Variants in PTPRM observed in about 807,000 individuals in gnomAD.
PTPRM encodes protein tyrosine phosphatase receptor type M, also known as receptor-type tyrosine-protein phosphatase mu.
Under a neutral mutation model 186.7 loss-of-function variants are expected in PTPRM, and 47 were observed. The observed-to-expected ratio is 0.25, with a 90% CI of 0.20 to 0.32. The LOEUF (loss-of-function observed/expected upper bound fraction) is 0.32. PTPRM is among the 10% of genes least tolerant of loss of function. The pLI is 1.00. For missense variants in PTPRM, 1,494 were observed against 1,865.0 expected, an observed-to-expected ratio of 0.80 and a Z score of 3.66; for synonymous variants, 668 against 674.9, an observed-to-expected ratio of 0.99 and a Z score of 0.16.
rs141165613 is a variant in PTPRM at position 7,689,128 on chromosome 18, T to C, written c.74-85021T>C. On this transcript the variant is annotated intron_variant, in intron 1 of 32. Transcript: ENST00000580170. ...GATAGGTATGTAGGTAATTCAAGTA[T>C]AAATGCCACATAAATGAGATATAAA... is the stretch of plus-strand genomic sequence containing the variant. 7.2e-3 allele frequency among the ~76,000 whole-genome samples: 1,051 copies of C among 145,542 alleles called. 12 individuals are homozygous for C. The highest frequency in any genetic ancestry group is 0.024 in the African/African-American group (977 of 41,014).
chr18:7,742,486 G>T (rs1292936974), intron 1 of PTPRM, among the ~76,000 whole-genome samples: 4 of 152,090 alleles, frequency 2.6e-5, no homozygotes, highest in African/African-American at 9.7e-5. Context: ...TTTATTTATA[G>T]TGCCAGGAAA....
At chr18:8,230,957 C>G (rs1235626777) in intron 14 of PTPRM, among the ~76,000 whole-genome samples, 1 of 152,134 alleles carries the variant, frequency 6.6e-6, no homozygotes, top group East Asian at 1.9e-4. Flanking sequence ...AAAATAAACA[C>G]TTATTCTTGT....
intron 11 of PTPRM, among the ~76,000 whole-genome samples, chr18:8,112,914 T>C (rs1270306215): frequency 6.6e-6 from 1 of 152,208 alleles, no homozygotes; most frequent in Non-Finnish European, 1.5e-5. Flanking sequence ...TAATCCCTTA[T>C]CTCTGCTTTT....
chr18:7,917,460 T>G (rs7244035), intron 4 of PTPRM, among the ~76,000 whole-genome samples: 2 of 151,886 alleles, frequency 1.3e-5, no homozygotes, highest in African/African-American at 4.8e-5. Context: ...GGCGTGAACC[T>G]GGGAGGCGGA....
At chr18:8,288,357 AG>A (rs1385569415) in intron 19 of PTPRM, among the ~76,000 whole-genome samples, 1 of 152,200 alleles carries the variant, frequency 6.6e-6, no homozygotes, top group Non-Finnish European at 1.5e-5. Flanking sequence ...ATTCCAGATA[AG>A]GGGGAGCCCC....
intron 1 of PTPRM, among the ~76,000 whole-genome samples, chr18:7,623,506 G>A (rs917491218): frequency 2.0e-5 from 3 of 152,052 alleles, no homozygotes; most frequent in African/African-American, 4.8e-5. Context: ...TTCAGTGGTC[G>A]AGATCATCAT....
At chr18:7,649,289 C>A (rs1385941993) in intron 1 of PTPRM, among the ~76,000 whole-genome samples, 4 of 152,144 alleles carry the variant, frequency 2.6e-5, no homozygotes, top group Non-Finnish European at 4.4e-5. Context: ...TGGAGATGTA[C>A]AAGGAGATTA....
At chr18:7,649,795 G>GAA (rs1430628857) in intron 1 of PTPRM, among the ~76,000 whole-genome samples, 2 of 151,924 alleles carry the variant, frequency 1.3e-5, no homozygotes, top group African/African-American at 2.4e-5. Flanking sequence ...CCAACCTTCA[G>GAA]CAGCCATTAC....
chr18:8,014,966 A>G (rs2084768114), intron 7 of PTPRM, among the ~76,000 whole-genome samples: 1 of 151,964 alleles, frequency 6.6e-6, no homozygotes, highest in Non-Finnish European at 1.5e-5. Flanking sequence ...TCTGCCCCTC[A>G]CTGTTCATGT....
At chr18:8,177,685 G>C (rs2093506564) in intron 14 of PTPRM, among the ~76,000 whole-genome samples, 1 of 152,230 alleles carries the variant, frequency 6.6e-6, no homozygotes, top group Non-Finnish European at 1.5e-5. Flanking sequence ...AATGAGGCAA[G>C]TTTTAGAGCA....
intron 14 of PTPRM, among the ~76,000 whole-genome samples, chr18:8,157,484 C>T (rs74785266): frequency 0.014 from 2,179 of 152,244 alleles, 39 homozygotes; most frequent in African/African-American, 0.043. Context: ...AAGAAACACA[C>T]GGGATGGGTC....
intron 12 of PTPRM, among the ~76,000 whole-genome samples, chr18:8,114,031 T>A (rs1487491176): frequency 2.6e-5 from 4 of 151,954 alleles, no homozygotes; most frequent in Non-Finnish European, 4.4e-5. Flanking sequence ...TGGCTGGCAA[T>A]TCTGCTTAGC....
intron 1 of PTPRM, among the ~76,000 whole-genome samples, chr18:7,662,805 A>C (rs1231212546): frequency 6.6e-6 from 1 of 152,200 alleles, no homozygotes; most frequent in Non-Finnish European, 1.5e-5. Context: ...CTGCATCAGA[A>C]TATCTCATGT....
intron 2 of PTPRM, among the ~76,000 whole-genome samples, chr18:7,872,402 A>T (rs768662065): frequency 6.6e-6 from 1 of 152,200 alleles, no homozygotes; most frequent in Non-Finnish European, 1.5e-5. Flanking sequence ...ATAAAATTAT[A>T]TTATTGTGCA....
intron 2 of PTPRM, among the ~76,000 whole-genome samples, chr18:7,785,730 G>T (rs536466238): frequency 3.9e-5 from 6 of 152,306 alleles, no homozygotes; most frequent in South Asian, 2.1e-4. Context: ...CACTTTCTGA[G>T]CATATCGTGA....
At chr18:8,198,987 G>A (rs573038808) in intron 14 of PTPRM, among the ~76,000 whole-genome samples, 3 of 152,086 alleles carry the variant, frequency 2.0e-5, no homozygotes, top group Admixed American at 2.0e-4. Flanking sequence ...GAGGAGGCTG[G>A]CCAGACCCTC....
chr18:8,031,612 C>T (rs1022616927), intron 7 of PTPRM, among the ~76,000 whole-genome samples: 33 of 152,256 alleles, frequency 2.2e-4, no homozygotes, highest in Middle Eastern at 3.4e-3. Flanking sequence ...AATGAAGGCA[C>T]GTTTGCAGCA....
intron 4 of PTPRM, among the ~76,000 whole-genome samples, chr18:7,907,978 A>C (rs1192106353): frequency 6.6e-6 from 1 of 150,876 alleles, no homozygotes; most frequent in Non-Finnish European, 1.5e-5. Context: ...TTTTTCTAGT[A>C]TTTTATGAAC....
At chr18:8,201,142 C>T (rs1394986289) in intron 14 of PTPRM, among the ~76,000 whole-genome samples, 9 of 152,184 alleles carry the variant, frequency 5.9e-5, no homozygotes, top group Admixed American at 1.3e-4. Flanking sequence ...ATAGCAAAAC[C>T]CTGTCTCTAC....
Sources: gnomAD v4.1 joint callset for allele counts (sites outside exome capture counted in the v4.1 genomes callset) on GRCh38, gnomAD v4.1.1 for gene constraint, MANE v1.5 for transcripts, NCBI Gene and HGNC (gene_info 2026-07-23, HGNC 2026-07-21) for gene names.